Variants in FUBP3 observed in about 807,000 individuals in gnomAD.
The protein encoded by FUBP3 is far upstream element-binding protein 3.
A neutral mutation model predicts 85.6 loss-of-function variants in FUBP3; 28 were observed. The observed-to-expected ratio is 0.33, with a 90% confidence interval of 0.24 to 0.45. The LOEUF is 0.45. FUBP3 is among the 20% of genes least tolerant of loss of function. FUBP3 has a pLI of 1.00. For synonymous variants in FUBP3, 271 were observed against 271.4 expected, an observed-to-expected ratio of 1.00 and a Z score of 0.01; for missense variants, 583 against 755.1, an observed-to-expected ratio of 0.77 and a Z score of 2.67.
Position 130,626,447 on chromosome 9 carries a change from C to T in FUBP3, c.1059C>T (p.Gly353=), listed in dbSNP as rs769806333. The T allele has an allele frequency of 2.2e-5, 36 of 1,614,056 alleles. No individual in the cohort carries two copies. Among genetic ancestry groups the T allele is most frequent in the East Asian group, 4.5e-5 (2 of 44,886 alleles). ...ACTGGAGCGTGGGAGCCCCTGGTGG[C>T]GTCCAGGAGATAACATACACGGTGC... ...RGDWSVGAPG[G]VQEITYTVPA... The change falls in exon 12 of 19, where the codon GGC becomes GGT. Residue 353 remains glycine (G), a synonymous_variant. Coordinates refer to ENST00000319725, the MANE Select transcript of FUBP3 (RefSeq NM_003934.2).
chr9:130,596,309 G>A (rs979841642), intron 2 of FUBP3, among the ~76,000 whole-genome samples: 2 of 151,934 alleles, frequency 1.3e-5, no homozygotes, highest in African/African-American at 2.4e-5. Flanking sequence ...CGAGTGAGTC[G>A]GTGTCTTCTC....
chr9:130,608,752 T>A (rs1394934323), intron 2 of FUBP3, among the ~76,000 whole-genome samples: 3 of 152,240 alleles, frequency 2.0e-5, no homozygotes, highest in African/African-American at 7.2e-5. Context: ...AAATATGGTA[T>A]TGACTTAGTA....
chr9:130,601,297 C>G (rs537721304), intron 2 of FUBP3, among the ~76,000 whole-genome samples: 1 of 152,236 alleles, frequency 6.6e-6, no homozygotes, highest in African/African-American at 2.4e-5. Context: ...AGTGCTTTCT[C>G]ATGTTTGCCC....
At position 130,579,623 on chromosome 9, in the gene FUBP3, G is replaced by A; in HGVS notation, c.-58G>A. On this transcript the variant is annotated 5_prime_UTR_variant, in exon 1 of 19. Coordinates refer to ENST00000319725, the MANE Select transcript of FUBP3 (RefSeq NM_003934.2). ...AAGCGGAGCGGGAGGCCGGACCGGG[G>A]AGCCGAGCGGCGGCGTCGGCGGCGT... is the stretch of plus-strand genomic sequence containing the variant. 9.3e-7 allele frequency: 1 copy of A among 1,075,604 alleles called. No homozygotes were observed. The highest frequency in any genetic ancestry group is 1.2e-6 in the Non-Finnish European group (1 of 845,286). 66.6% of individuals were successfully genotyped at this position (1,075,604 alleles called of 1,614,324 possible).
chr9:130,623,598 C>T lies in FUBP3; in HGVS notation c.875-13C>T. ...GGCTTTTTTCTAATCCTGTCTCTCA[C>T]CTGGCTCCTCAGATGATGGGATTAG... On this transcript the variant is annotated splice_polypyrimidine_tract_variant and intron_variant, in intron 10 of 18. Transcript: ENST00000319725. 6.4e-7 allele frequency: 1 copy of T among 1,556,206 alleles called. No individual in the cohort carries two copies. Among genetic ancestry groups the T allele is most frequent in the Non-Finnish European group, 8.9e-7 (1 of 1,127,660 alleles).
chr9:130,607,579 T>C (rs1271593738), intron 2 of FUBP3, among the ~76,000 whole-genome samples: 3 of 152,192 alleles, frequency 2.0e-5, no homozygotes, highest in Non-Finnish European at 2.9e-5. Context: ...GGTGTTCCCA[T>C]CTGCCTCCTT....
intron 15 of FUBP3, 67 bp downstream of exon 15, chr9:130,632,089 CA>C: frequency 6.8e-7 from 1 of 1,471,254 alleles, no homozygotes; most frequent in Non-Finnish European, 9.5e-7. Flanking sequence ...CTATTGCCGA[CA>C]GGCAAGGGTC....
At chr9:130,604,281 T>C (rs1831310426) in intron 2 of FUBP3, among the ~76,000 whole-genome samples, 1 of 152,168 alleles carries the variant, frequency 6.6e-6, no homozygotes, top group African/African-American at 2.4e-5. Context: ...TTAAACTCCT[T>C]ATTGTTGTAG....
At chr9:130,614,036 A>G (rs547111061) in intron 5 of FUBP3, among the ~76,000 whole-genome samples, 1 of 152,378 alleles carries the variant, frequency 6.6e-6, no homozygotes, top group Admixed American at 6.5e-5. Context: ...TGAGATGGGT[A>G]ATCAGGACCA....
chr9:130,607,884 G>C (rs866335122), intron 2 of FUBP3, among the ~76,000 whole-genome samples: 1 of 152,224 alleles, frequency 6.6e-6, no homozygotes, highest in Non-Finnish European at 1.5e-5. Context: ...GCTCTCAGCA[G>C]CCCATCTATC....
At chr9:130,626,791 C>T (rs562524333) in intron 12 of FUBP3, among the ~76,000 whole-genome samples, 1 of 152,254 alleles carries the variant, frequency 6.6e-6, no homozygotes, top group South Asian at 2.1e-4. Context: ...TGAAAAGATA[C>T]CTTGCGCAAG....
intron 2 of FUBP3, among the ~76,000 whole-genome samples, chr9:130,600,340 A>T (rs1588129031): frequency 1.3e-5 from 2 of 152,160 alleles, no homozygotes; most frequent in South Asian, 4.1e-4. Flanking sequence ...TTCATGCTCA[A>T]GTTCTCCCAT....
chr9:130,631,080 C>A, intron 13 of FUBP3: 2 of 1,052,768 alleles, frequency 1.9e-6, no homozygotes, highest in Non-Finnish European at 1.2e-6. Context: ...GCGGCAGCCT[C>A]CCCCCACGCT....
At position 130,635,867 on chromosome 9, in the gene FUBP3, A is replaced by G; in HGVS notation, c.1583-132A>G. On this transcript the variant is annotated intron_variant, in intron 17 of 18. Coordinates refer to ENST00000319725, the MANE Select transcript of FUBP3 (RefSeq NM_003934.2). The surrounding 1 kb of genome is among the most constrained non-coding windows in gnomAD (Gnocchi z 4.3). ...CAAGCGCTCCTGCAACACCAGCCTC[A>G]CCTCACTGCCTCCCAGACCTCCCTG... 1 of 878,092 alleles carries G rather than the reference A, an allele frequency of 1.1e-6. No homozygotes were observed. The highest frequency in any genetic ancestry group is 1.8e-6 in the Non-Finnish European group (1 of 566,158). The allele number at this position is 878,092 out of a possible 1,614,324, so 54.4% of individuals were successfully genotyped here.
intron 1 of FUBP3, among the ~76,000 whole-genome samples, chr9:130,583,007 G>T (rs146463789): frequency 6.6e-6 from 1 of 152,190 alleles, no homozygotes; most frequent in Non-Finnish European, 1.5e-5. Flanking sequence ...CCTCTGGATT[G>T]TATAACTACA....
At chr9:130,632,996 G>A (rs1049820268) in intron 16 of FUBP3, among the ~76,000 whole-genome samples, 6 of 152,236 alleles carry the variant, frequency 3.9e-5, no homozygotes, top group African/African-American at 1.2e-4. Context: ...TTCAGTGTCT[G>A]CAGATTCCCA....
intron 12 of FUBP3, among the ~76,000 whole-genome samples, chr9:130,629,067 C>T (rs1421696577): frequency 6.6e-6 from 1 of 152,232 alleles, no homozygotes; most frequent in African/African-American, 2.4e-5. Flanking sequence ...CCGCGCCTGG[C>T]CAAGTCTCTA....
At chr9:130,617,723 G>A (rs1305765040) in intron 7 of FUBP3, 74 bp from the exon 8 acceptor site, 29 of 934,674 alleles carry the variant, frequency 3.1e-5, no homozygotes, top group Non-Finnish European at 3.6e-5. Context: ...GTGTGACTGG[G>A]TCCGATTTTG....
intron 1 of FUBP3, among the ~76,000 whole-genome samples, chr9:130,590,966 G>A (rs1264267835): frequency 6.7e-6 from 1 of 150,086 alleles, no homozygotes. Context: ...GCAGACCTGG[G>A]TTTGAATACT....
Sources: allele counts gnomAD v4.1 joint callset (sites outside exome capture counted in the v4.1 genomes callset), GRCh38; gene constraint gnomAD v4.1.1; non-coding constraint Gnocchi (gnomAD v3.1); transcripts MANE v1.5; gene names NCBI Gene and HGNC (gene_info 2026-07-23, HGNC 2026-07-21).